Variants in TSHZ3 observed in about 807,000 individuals in gnomAD.
TSHZ3 encodes teashirt homolog 3.
TSHZ3 carries 10 observed loss-of-function variants against 64.5 expected under a neutral mutation model. The observed-to-expected ratio is 0.16, with a 90% confidence interval of 0.10 to 0.26. The LOEUF (loss-of-function observed/expected upper bound fraction) is 0.26. Ranked by LOEUF, TSHZ3 falls within the 10% of genes least tolerant of loss-of-function variation. TSHZ3 has a pLI of 1.00. For missense variants in TSHZ3, 1,242 were observed against 1,421.7 expected (o/e 0.87, Z 2.03); for synonymous variants, 608 against 593.1 (o/e 1.03, Z -0.36).
At chr19:31,219,166 T>C (rs1975368866) in intron 4 of TSHZ3, among the ~76,000 whole-genome samples, 1 of 152,178 alleles carries the variant, frequency 6.6e-6, no homozygotes, top group Non-Finnish European at 1.5e-5. Flanking sequence ...TGTTTCTGGA[T>C]TGGACCCCAA....
intron 1 of TSHZ3, among the ~76,000 whole-genome samples, chr19:31,260,451 G>A (rs1975970329): frequency 6.6e-6 from 1 of 152,192 alleles, no homozygotes; most frequent in East Asian, 1.9e-4. Flanking sequence ...CAGAAGCTGG[G>A]AGCTCAGCCT....
At chr19:31,232,683 A>G (rs139176919) in intron 3 of TSHZ3, among the ~76,000 whole-genome samples, 1,927 of 152,248 alleles carry the variant, frequency 0.013, 34 homozygotes, top group African/African-American at 0.043. Flanking sequence ...TCCAGAAATC[A>G]TCCTCTTGCC....
intron 1 of TSHZ3, among the ~76,000 whole-genome samples, chr19:31,294,272 C>A (rs752706104): frequency 1.3e-5 from 2 of 152,188 alleles, no homozygotes; most frequent in Non-Finnish European, 2.9e-5. Context: ...ATTCAGCCAA[C>A]ACTCAGCGAA....
intron 1 of TSHZ3, among the ~76,000 whole-genome samples, chr19:31,313,777 A>T (rs1046451829): frequency 1.3e-5 from 2 of 152,198 alleles, no homozygotes; most frequent in Non-Finnish European, 2.9e-5. Context: ...TGCCCTAGAA[A>T]GGCCCCATCG....
chr19:31,330,122 T>TC (rs1917038253), intron 1 of TSHZ3, among the ~76,000 whole-genome samples: 1 of 147,238 alleles, frequency 6.8e-6, no homozygotes, highest in Admixed American at 6.8e-5. Context: ...TCAAGATCCT[T>TC]TTTTTTTTTT....
At chr19:31,246,840 G>A (rs961099560) in intron 1 of TSHZ3, among the ~76,000 whole-genome samples, 2 of 152,100 alleles carry the variant, frequency 1.3e-5, no homozygotes, top group African/African-American at 4.8e-5. Context: ...AGATGAGCCT[G>A]AAACTTCTGG....
intron 1 of TSHZ3, among the ~76,000 whole-genome samples, chr19:31,297,577 G>A (rs1317317842): frequency 6.6e-6 from 1 of 152,098 alleles, no homozygotes; most frequent in Non-Finnish European, 1.5e-5. Context: ...TGATCCTCGT[G>A]CCTCAGCCTC....
intron 5 of TSHZ3, among the ~76,000 whole-genome samples, chr19:31,157,169 G>T (rs1974315958): frequency 6.6e-6 from 1 of 152,134 alleles, no homozygotes; most frequent in Admixed American, 6.5e-5. Context: ...ACCAGTCCAT[G>T]AAATGTGTTC....
At chr19:31,349,470 G>C, upstream of TSHZ3, 1 of 383,604 alleles carries the variant, frequency 2.6e-6, no homozygotes, top group Non-Finnish European at 4.6e-6. Context: ...GGAGGGAGGA[G>C]CACGGGGGGG....
At chr19:31,295,813 T>C (rs1212422871) in intron 1 of TSHZ3, among the ~76,000 whole-genome samples, 1 of 151,246 alleles carries the variant, frequency 6.6e-6, no homozygotes, top group African/African-American at 2.4e-5. Context: ...GGGGTACAGG[T>C]ACAGGTTTAT....
intron 4 of TSHZ3, among the ~76,000 whole-genome samples, chr19:31,227,563 A>AG (rs1462294299): frequency 6.6e-6 from 1 of 152,140 alleles, no homozygotes; most frequent in African/African-American, 2.4e-5. Context: ...CAGCAACAGA[A>AG]GGGGGAAGAA....
chr19:31,295,778 T>TTA (rs1976649908), intron 1 of TSHZ3, among the ~76,000 whole-genome samples: 1 of 151,690 alleles, frequency 6.6e-6, no homozygotes, highest in African/African-American at 2.4e-5. Context: ...GGTTCTTTAA[T>TTA]AATAATTTCA....
At chr19:31,170,342 T>G (rs190038453) in intron 5 of TSHZ3, among the ~76,000 whole-genome samples, 5 of 152,070 alleles carry the variant, frequency 3.3e-5, no homozygotes, top group Admixed American at 2.0e-4. Flanking sequence ...GGCACTAATC[T>G]CATCATCAGG....
chr19:31,314,140 C>T (rs1214507158), intron 1 of TSHZ3, among the ~76,000 whole-genome samples: 2 of 152,146 alleles, frequency 1.3e-5, no homozygotes, highest in Admixed American at 1.3e-4. Flanking sequence ...GGTTGCCTCC[C>T]TTGTCCCCTA....
chr19:31,321,220 G>C (rs1303329285), intron 1 of TSHZ3, among the ~76,000 whole-genome samples: 1 of 152,154 alleles, frequency 6.6e-6, no homozygotes, highest in Admixed American at 6.5e-5. Flanking sequence ...TGAACCTGAT[G>C]AATCAATCAT....
At chr19:31,236,163 G>C (rs1250700153) in intron 3 of TSHZ3, among the ~76,000 whole-genome samples, 2 of 152,150 alleles carry the variant, frequency 1.3e-5, no homozygotes, top group Admixed American at 1.3e-4. Flanking sequence ...TAGGTCATGC[G>C]ACAGGTCTAT....
rs1917532516 is a variant in TSHZ3 at position 31,344,671 on chromosome 19, G to A, written c.40+4509C>T. 2.0e-5 allele frequency among the ~76,000 whole-genome samples: 3 copies of A among 152,310 alleles called. No individual in the cohort carries two copies. In the South Asian group the frequency reaches 6.2e-4, roughly 32 times the overall value. On this transcript the variant is annotated intron_variant, in intron 1 of 1. Coordinates refer to ENST00000240587, the MANE Select transcript of TSHZ3 (RefSeq NM_020856.4). Reference sequence around the variant, plus strand: ...GTGTAAAAGAGAAAGCACCACAAGAGGTCCAGGCACTCTGCCTTCAAGAAG... The same window carrying A: ...GTGTAAAAGAGAAAGCACCACAAGAAGTCCAGGCACTCTGCCTTCAAGAAG...
chr19:31,253,336 G>C (rs1975865789), intron 1 of TSHZ3, among the ~76,000 whole-genome samples: 2 of 152,018 alleles, frequency 1.3e-5, no homozygotes, highest in African/African-American at 4.8e-5. Flanking sequence ...AATGGATCAA[G>C]ATAAGAAGAA....
At chr19:31,224,670 C>T (rs978623028) in intron 4 of TSHZ3, among the ~76,000 whole-genome samples, 1 of 152,158 alleles carries the variant, frequency 6.6e-6, no homozygotes, top group African/African-American at 2.4e-5. Context: ...GATATTAAAT[C>T]ATATCATTGC....
Sources: gnomAD v4.1 joint callset for allele counts (sites outside exome capture counted in the v4.1 genomes callset) on GRCh38, gnomAD v4.1.1 for gene constraint, MANE v1.5 for transcripts, NCBI Gene and HGNC (gene_info 2026-07-23, HGNC 2026-07-21) for gene names.